Variants in LIPE observed in about 807,000 individuals in gnomAD.
The protein encoded by LIPE is lipase E, hormone sensitive type.
A neutral mutation model predicts 88.5 loss-of-function variants in LIPE; 66 were observed. The ratio of observed to expected loss-of-function variants is 0.75; its 90% CI spans 0.61 to 0.91. The LOEUF (loss-of-function observed/expected upper bound fraction) is 0.91. Among genes scored for constraint, LIPE ranks in the 40% least tolerant of loss-of-function variants. The pLI is 0.00. For missense variants in LIPE, 1,346 were observed against 1,434.7 expected, an observed-to-expected ratio of 0.94 and a Z score of 1.00; for synonymous variants, 570 against 617.5, an observed-to-expected ratio of 0.92 and a Z score of 1.14.
chr19:42,415,802 T>A (rs1458522697), intron 1 of LIPE, among the ~76,000 whole-genome samples: 1 of 146,280 alleles, frequency 6.8e-6, no homozygotes, highest in Non-Finnish European at 1.5e-5. Context: ...AGAGTGAGAC[T>A]CCGTCTGGAA....
intron 1 of LIPE, among the ~76,000 whole-genome samples, chr19:42,417,393 G>A (rs1472602992): frequency 6.6e-6 from 1 of 152,110 alleles, no homozygotes; most frequent in Non-Finnish European, 1.5e-5. Flanking sequence ...CTGAGTAGTG[G>A]GGACTACAGA....
rs149629900 is a variant in LIPE at position 42,426,900 on chromosome 19, G to T, written c.250C>A (p.Gln84Lys). Reference sequence around the variant, plus strand: ...TTCTGTGGGGCAAGAAATTCCTCTTGTGAAGCAGATTTTTGTTGGGCTCTA... The same window carrying T: ...TTCTGTGGGGCAAGAAATTCCTCTTTTGAAGCAGATTTTTGTTGGGCTCTA... The part of the protein sequence containing the change: ...EPRAQQKSAS[Q>K]EEFLAPQKPA... Residue 84 changes from glutamine to lysine, a missense_variant, in exon 1 of 10, where the codon CAA becomes AAA. By Grantham distance (53) the Gln-to-Lys change is moderately conservative. Coordinates refer to ENST00000244289, the MANE Select transcript of LIPE (RefSeq NM_005357.4). 1.4e-5 allele frequency: 22 copies of T among 1,614,156 alleles called. No homozygotes were observed. Among genetic ancestry groups the T allele is most frequent in the Non-Finnish European group, 1.8e-5 (21 of 1,180,026 alleles).
intron 1 of LIPE, chr19:42,423,834 C>T (rs1212118072): frequency 1.8e-6 from 2 of 1,110,362 alleles, no homozygotes; most frequent in Non-Finnish European, 2.2e-6. Context: ...GTGCGGAGCC[C>T]CGCGGGGAGC....
Position 42,408,392 on chromosome 19 carries a change from A to C in LIPE, c.1420-70T>G. On this transcript the variant is annotated intron_variant, in intron 2 of 9. Transcript: ENST00000244289. This position sits in a 1 kb window ranked among gnomAD's most constrained non-coding sequence, Gnocchi z 4.3. Reference sequence around the variant, plus strand: ...TGGGGACAGGGCAGGAGCGAGGCACAGGGATGTGCGGGGAAGACACATTCA... The same window carrying C: ...TGGGGACAGGGCAGGAGCGAGGCACCGGGATGTGCGGGGAAGACACATTCA... 1 of 1,270,060 alleles carries C rather than the reference A, an allele frequency of 7.9e-7. No homozygotes were observed. Among genetic ancestry groups the C allele is most frequent in the South Asian group, 1.2e-5 (1 of 83,934 alleles). The allele number at this position is 1,270,060 out of a possible 1,614,324, so 78.7% of individuals were successfully genotyped here.
chr19:42,418,741 T>C (rs2040538875), intron 1 of LIPE, among the ~76,000 whole-genome samples: 2 of 152,200 alleles, frequency 1.3e-5, no homozygotes. Flanking sequence ...AAACATAACT[T>C]TTCTATGCAC....
chr19:42,424,453 C>G (rs562738775), intron 1 of LIPE: 89 of 456,044 alleles, frequency 2.0e-4, no homozygotes, highest in South Asian at 1.2e-3. Flanking sequence ...GGCGGGCATC[C>G]CTTGAGACTG....
At position 42,410,051 on chromosome 19, in the gene LIPE, G is replaced by A. The variant is rs923062883; in HGVS notation, c.1419+256C>T. Among the ~76,000 whole-genome samples the A allele has an allele frequency of 3.3e-5, 5 of 152,196 alleles. No homozygotes were observed. Among genetic ancestry groups the A allele is most frequent in the African/African-American group, 1.2e-4 (5 of 41,432 alleles). The stretch of plus-strand genomic sequence containing the variant: ...CATCTCTTGCATGTAGGACAATAGA[G>A]AGTAGTGGATATCCTGGTGAAAAAA... On this transcript the variant is annotated intron_variant, in intron 2 of 9. Coordinates refer to ENST00000244289, the MANE Select transcript of LIPE (RefSeq NM_005357.4). The surrounding 1 kb of genome is among the most constrained non-coding windows in gnomAD (Gnocchi z 6.1).
chr19:42,409,757 G>A (rs2040314113), intron 2 of LIPE, among the ~76,000 whole-genome samples: 1 of 152,224 alleles, frequency 6.6e-6, no homozygotes, highest in African/African-American at 2.4e-5. Context: ...TGGGACACAG[G>A]GAGGAGCTGG....
At chr19:42,405,895 G>A in intron 7 of LIPE, 1 of 553,830 alleles carries the variant, frequency 1.8e-6, no homozygotes, top group Admixed American at 3.2e-5. Flanking sequence ...GGGAGGTCAA[G>A]GCTGCAGTGA....
Position 42,406,497 on chromosome 19 carries a change from T to A in LIPE, c.2138-109A>T. ...GAACTGGGCTCTCCAAGGTGGGGTG[T>A]GGGGCACTCCAAGGCCTAGCAGACT... On this transcript the variant is annotated intron_variant, in intron 6 of 9. Transcript: ENST00000244289. The surrounding 1 kb of genome is among the most constrained non-coding windows in gnomAD (Gnocchi z 5.7). The A allele has an allele frequency of 1.1e-6, 1 of 884,978 alleles. No homozygotes were observed. The highest frequency in any genetic ancestry group is 1.8e-6 in the Non-Finnish European group (1 of 554,606). 54.8% of individuals were successfully genotyped at this position (884,978 alleles called of 1,614,324 possible). A position where few individuals can be genotyped will look rare whatever the true frequency, so the allele number is the denominator to read the frequency against.
intron 7 of LIPE, 167 bp downstream of exon 7, chr19:42,405,976 TCACACACACACACACACA>T (rs57282318): frequency 5.0e-5 from 21 of 418,580 alleles, no homozygotes; most frequent in South Asian, 1.8e-4. Flanking sequence ...TCTCTCTCTC[TCACACACACACACACACA>T]CACACACACA....
Position 42,402,830 on chromosome 19 carries a change from G to A in LIPE, c.2744C>T (p.Pro915Leu). ...TPSDVNFLLP[P>L]EDAGEEAEAK... Reference sequence around the variant, plus strand: ...CTCAGCCTCTTCCCCTGCATCCTCAGGTGGTAATAAGAAGTTGACATCGGA... The same window carrying A: ...CTCAGCCTCTTCCCCTGCATCCTCAAGTGGTAATAAGAAGTTGACATCGGA... The change falls in exon 9 of 10, where the codon CCT becomes CTT. Residue 915 changes from proline (P) to leucine (L), a missense_variant. Transcript: ENST00000244289. 1 of 1,613,770 alleles carries A rather than the reference G, an allele frequency of 6.2e-7. No homozygotes were observed. Among genetic ancestry groups the A allele is most frequent in the African/African-American group, 1.3e-5 (1 of 75,030 alleles).
rs750849340 is a variant in LIPE at position 42,405,433 on chromosome 19, G to C, written c.2494C>G (p.Leu832Val). The change falls in exon 8 of 10, where the codon CTG becomes GTG. Residue 832 changes from leucine (L) to valine (V), a missense_variant. Coordinates refer to ENST00000244289, the MANE Select transcript of LIPE (RefSeq NM_005357.4). Reference protein sequence around the residue: ...LGASSWLNSFLELSGRKSQKM... With the variant: ...LGASSWLNSFVELSGRKSQKM... ...TGGGACTTGCGCCCACTTAACTCCA[G>C]GAAGGAGTTGAGCCATGAGGAGGCA... 6.2e-7 allele frequency: 1 copy of C among 1,614,000 alleles called. No homozygotes were observed. The highest frequency in any genetic ancestry group is 1.1e-5 in the South Asian group (1 of 91,064).
rs1250469701 is a variant in LIPE at position 42,410,928 on chromosome 19, C to T, written c.884-86G>A. ...CCAGGAGTCTGGGCCATAGCTTACC[C>T]ACTCCTCCTTCAAACCTCAGTGCTG... is the stretch of plus-strand genomic sequence containing the variant. On this transcript the variant is annotated intron_variant, in intron 1 of 9. Transcript: ENST00000244289. This position sits in a 1 kb window ranked among gnomAD's most constrained non-coding sequence, Gnocchi z 6.1. 4 of 1,310,114 alleles carry T rather than the reference C, an allele frequency of 3.1e-6. No homozygotes were observed. Among genetic ancestry groups the T allele is most frequent in the Admixed American group, 2.3e-5 (1 of 43,500 alleles). The allele number at this position is 1,310,114 out of a possible 1,614,324, so 81.2% of individuals were successfully genotyped here. A position where few individuals can be genotyped will look rare whatever the true frequency, so the allele number is the denominator to read the frequency against.
intron 1 of LIPE, among the ~76,000 whole-genome samples, 169 bp from the exon 2 acceptor site, chr19:42,411,011 G>A (rs568262871): frequency 1.3e-5 from 2 of 152,304 alleles, no homozygotes; most frequent in East Asian, 3.9e-4. Flanking sequence ...AGACATAAGA[G>A]GTCACCCTCT....
chr19:42,402,798 T>A lies in LIPE; in HGVS notation c.2776A>T (p.Asn926Tyr). Residue 926 changes from asparagine (N) to tyrosine (Y), a missense_variant, in exon 9 of 10, where the codon AAT becomes TAT. By Grantham distance (143) the Asn-to-Tyr change is moderately radical. Transcript: ENST00000244289. ...EDAGEEAEAK[N>Y]ELSPMDRGLG... ...CCTCTGTCCATGGGGCTCAGCTCAT[T>A]TTTGGCCTCAGCCTCTTCCCCTGCA... 1 of 1,611,486 alleles carries A rather than the reference T, an allele frequency of 6.2e-7. No individual in the cohort carries two copies. Among genetic ancestry groups the A allele is most frequent in the Non-Finnish European group, 8.5e-7 (1 of 1,177,978 alleles).
At position 42,408,274 on chromosome 19, in the gene LIPE, C is replaced by G. The variant is rs772631981; in HGVS notation, c.1468G>C (p.Val490Leu). The G allele has an allele frequency of 2.5e-5, 41 of 1,613,944 alleles. No individual in the cohort carries two copies. The Middle Eastern group carries it at 4.9e-4, about 19-fold the overall frequency. Residue 490 changes from valine to leucine, a missense_variant, in exon 3 of 10, where the codon GTG becomes CTG. Transcript: ENST00000244289. The surrounding 1 kb of genome is among the most constrained non-coding windows in gnomAD (Gnocchi z 4.3). ...PFLQTISIGL[V>L]SFGEHYKRNE... ...CGTTTGTAGTGCTCCCCGAAGGACA[C>G]CAGCCCAATGGAGATGGTCTGCAGG...
chr19:42,411,181 T>C (rs1413925127), intron 1 of LIPE: 1 of 405,264 alleles, frequency 2.5e-6, no homozygotes, highest in Admixed American at 6.4e-5. Context: ...CTATCACCTC[T>C]TTGGGACTCA....
At chr19:42,419,548 A>G (rs996325522) in intron 1 of LIPE, among the ~76,000 whole-genome samples, 1 of 152,218 alleles carries the variant, frequency 6.6e-6, no homozygotes, top group Non-Finnish European at 1.5e-5. Context: ...GGTAAGGACT[A>G]GGGGAGAGGT....
Sources: gnomAD v4.1 joint callset for allele counts (sites outside exome capture counted in the v4.1 genomes callset) on GRCh38, gnomAD v4.1.1 for gene constraint, Gnocchi (gnomAD v3.1) non-coding constraint, MANE v1.5 for transcripts, NCBI Gene and HGNC (gene_info 2026-07-23, HGNC 2026-07-21) for gene names.